The following NELL2 variants were observed in gnomAD, a reference collection of about 807,000 sequenced individuals.
NELL2 encodes the protein neural EGFL like 2, also known as protein kinase C-binding protein NELL2.
NELL2 carries 41 observed loss-of-function variants against 109.6 expected under a neutral mutation model. The observed-to-expected ratio is 0.37, with a 90% CI of 0.29 to 0.49. The LOEUF is 0.49. Ranked by LOEUF, NELL2 falls within the 20% of genes least tolerant of loss-of-function variation. NELL2 has a pLI of 0.98. For missense variants in NELL2, 900 were observed against 1,008.3 expected (o/e 0.89, Z 1.45); for synonymous variants, 355 against 344.7 (o/e 1.03, Z -0.33).
At position 44,694,520 on chromosome 12, in the gene NELL2, A is replaced by C. The variant is rs12814104; in HGVS notation, c.1318+9206T>G. Among the ~76,000 whole-genome samples the C allele has an allele frequency of 4.2e-5, 6 of 144,304 alleles. No homozygotes were observed. In the South Asian group the frequency reaches 9.1e-4, roughly 22 times the overall value. 94.7% of individuals were successfully genotyped at this position (144,304 alleles called of 152,430 possible). On this transcript the variant is annotated intron_variant, in intron 12 of 19. Transcript: ENST00000429094. ...GTATATAATATACAACACACATACA[A>C]ACACACACACACACACACACACACA... is the stretch of plus-strand genomic sequence containing the variant.
intron 12 of NELL2, among the ~76,000 whole-genome samples, chr12:44,666,171 T>C (rs1947918650): frequency 6.6e-6 from 1 of 152,176 alleles, no homozygotes; most frequent in African/African-American, 2.4e-5. Flanking sequence ...CTGATATAGA[T>C]GAGAAGTTAC....
At position 44,886,081 on chromosome 12, in the gene NELL2, TAGTAAGGAAGGAAGGA is replaced by T. The variant is rs1158759921; in HGVS notation, c.39-10197_39-10182del. On this transcript the variant is annotated intron_variant, in intron 1 of 20. Coordinates refer to the NELL2 transcript ENST00000333837. ...ATGCCAGAACAATGGAACATCCATA[TAGTAAGGAAGGAAGGA>T]AGGAAGGAAGGAAGGAAGGAAGGAA... Among the ~76,000 whole-genome samples, 5 of 107,888 alleles carry T rather than the reference TAGTAAGGAAGGAAGGA, an allele frequency of 4.6e-5. No homozygotes were observed. The South Asian group carries it at 1.1e-3, about 24-fold the overall frequency. 70.8% of individuals were successfully genotyped at this position (107,888 alleles called of 152,430 possible).
chr12:44,789,814 T>C (rs1389719980), intron 3 of NELL2, among the ~76,000 whole-genome samples: 3 of 152,148 alleles, frequency 2.0e-5, no homozygotes, highest in South Asian at 2.1e-4. Flanking sequence ...GATGCATTTA[T>C]AGAAATGCAA....
At chr12:44,707,737 C>T (rs1378951456) in intron 11 of NELL2, among the ~76,000 whole-genome samples, 3 of 152,194 alleles carry the variant, frequency 2.0e-5, no homozygotes, top group African/African-American at 4.8e-5. Flanking sequence ...TATTTCATGG[C>T]TACCACCGCT....
chr12:44,644,608 G>GTATATATATATATATATATA (rs1180129986), intron 13 of NELL2, among the ~76,000 whole-genome samples: 16 of 90,818 alleles, frequency 1.8e-4, no homozygotes, highest in Admixed American at 2.8e-4. Context: ...ATATATGTAT[G>GTATATATATATATATATATA]TATATATATA....
chr12:44,615,076 A>T (rs886129294), intron 13 of NELL2, among the ~76,000 whole-genome samples: 2 of 152,116 alleles, frequency 1.3e-5, no homozygotes, highest in Non-Finnish European at 2.9e-5. Context: ...AAGTAAAAAA[A>T]CACAAAGCTT....
At chr12:44,585,844 C>T (rs1312920211) in intron 15 of NELL2, among the ~76,000 whole-genome samples, 1 of 151,852 alleles carries the variant, frequency 6.6e-6, no homozygotes, top group Non-Finnish European at 1.5e-5. Flanking sequence ...CTGCTAATCA[C>T]TCTACAATGC....
intron 16 of NELL2, among the ~76,000 whole-genome samples, chr12:44,531,271 T>C (rs1197589200): frequency 6.6e-6 from 1 of 152,236 alleles, no homozygotes; most frequent in South Asian, 2.1e-4. Flanking sequence ...ATATTCATTC[T>C]TTATGTGCAT....
At chr12:44,598,434 T>C (rs980272303) in intron 15 of NELL2, among the ~76,000 whole-genome samples, 1 of 152,078 alleles carries the variant, frequency 6.6e-6, no homozygotes, top group Non-Finnish European at 1.5e-5. Flanking sequence ...TTCATATCAT[T>C]ATTGTTTTTT....
intron 2 of NELL2, among the ~76,000 whole-genome samples, chr12:44,841,725 G>A (rs771683634): frequency 6.6e-5 from 10 of 152,046 alleles, no homozygotes; most frequent in Non-Finnish European, 1.0e-4. Flanking sequence ...AACATCTCCT[G>A]GGCTATAAGC....
chr12:44,653,927 C>A (rs1324380646), intron 13 of NELL2, among the ~76,000 whole-genome samples: 11 of 152,176 alleles, frequency 7.2e-5, no homozygotes, highest in Non-Finnish European at 1.6e-4. Context: ...CAATTCCATT[C>A]ACACTAAACT....
rs907406696 is a variant in NELL2 at position 44,818,739 on chromosome 12, A to AT, written c.185-2604dup. Among the ~76,000 whole-genome samples, 19 of 105,160 alleles carry AT rather than the reference A, an allele frequency of 1.8e-4. 1 individual carries two copies. Among genetic ancestry groups the AT allele is most frequent in the African/African-American group, 3.4e-4 (8 of 23,530 alleles). 69.0% of individuals were successfully genotyped at this position (105,160 alleles called of 152,430 possible). ...TTTGTTCACTTATTTTTTTTTTTTT[A>AT]TTTTTTTTTTTTTTGAGACGGAGTC... On this transcript the variant is annotated intron_variant, in intron 2 of 19. Coordinates refer to ENST00000429094, the MANE Select transcript of NELL2 (RefSeq NM_001145108.2).
At chr12:44,807,571 A>G (rs1260889055) in intron 3 of NELL2, among the ~76,000 whole-genome samples, 1 of 152,020 alleles carries the variant, frequency 6.6e-6, no homozygotes, top group Non-Finnish European at 1.5e-5. Context: ...ACAAATTTTT[A>G]GCAAAGCCAA....
chr12:44,768,524 A>C (rs1361863272), intron 9 of NELL2, among the ~76,000 whole-genome samples: 6 of 150,434 alleles, frequency 4.0e-5, no homozygotes, highest in Non-Finnish European at 8.9e-5. Context: ...AAGTGTTCTA[A>C]TTCTATGATT....
chr12:44,588,905 G>T (rs1944642797), intron 15 of NELL2, among the ~76,000 whole-genome samples: 1 of 152,028 alleles, frequency 6.6e-6, no homozygotes, highest in Non-Finnish European at 1.5e-5. Flanking sequence ...TCGACTTTCT[G>T]TCTATAATTT....
chr12:44,571,426 A>G (rs1943868820), intron 15 of NELL2, among the ~76,000 whole-genome samples: 1 of 152,166 alleles, frequency 6.6e-6, no homozygotes, highest in Non-Finnish European at 1.5e-5. Flanking sequence ...GTATATGGTG[A>G]AAGTTGAGAA....
intron 13 of NELL2, among the ~76,000 whole-genome samples, chr12:44,649,379 C>G (rs930081860): frequency 6.6e-6 from 1 of 152,172 alleles, no homozygotes; most frequent in Non-Finnish European, 1.5e-5. Context: ...TGCTTTCTGT[C>G]CCATCAACCT....
chr12:44,866,873 A>G (rs1470642414), intron 2 of NELL2, among the ~76,000 whole-genome samples: 1 of 152,126 alleles, frequency 6.6e-6, no homozygotes, highest in African/African-American at 2.4e-5. Flanking sequence ...AGATAAACTT[A>G]GAAGTTTAAG....
At chr12:44,737,811 A>G (rs956707936) in intron 9 of NELL2, among the ~76,000 whole-genome samples, 8 of 152,054 alleles carry the variant, frequency 5.3e-5, no homozygotes, top group Non-Finnish European at 1.0e-4. Flanking sequence ...CAACCAAGAG[A>G]GAATTCTTGT....
Sources: gnomAD v4.1 joint callset for allele counts (sites outside exome capture counted in the v4.1 genomes callset) on GRCh38, gnomAD v4.1.1 for gene constraint, MANE v1.5 for transcripts, NCBI Gene and HGNC (gene_info 2026-07-23, HGNC 2026-07-21) for gene names.